ACACB: variants seen among roughly 807,000 people sequenced by gnomAD.
ACACB encodes acetyl-CoA carboxylase 2.
In ACACB, 209 loss-of-function variants were observed where a neutral mutation model predicts 278.8. The observed-to-expected ratio is 0.75, with a 90% CI of 0.67 to 0.84. The LOEUF (loss-of-function observed/expected upper bound fraction) is 0.84, where lower values mean the gene tolerates loss of function less well. ACACB is among the 40% of genes least tolerant of loss of function. ACACB has a pLI of 0.00. For missense variants in ACACB, 2,850 were observed against 3,269.0 expected (o/e 0.87, Z 3.13); for synonymous variants, 1,174 against 1,285.6 (o/e 0.91, Z 1.86).
intron 1 of ACACB, among the ~76,000 whole-genome samples, chr12:109,127,496 G>A (rs748241764): frequency 6.6e-6 from 1 of 151,922 alleles, no homozygotes; most frequent in African/African-American, 2.4e-5. Flanking sequence ...CTACTCTGGA[G>A]GCTGAGGTAG....
chr12:109,258,656 G>A (rs2047295532), intron 46 of ACACB, among the ~76,000 whole-genome samples: 1 of 152,240 alleles, frequency 6.6e-6, no homozygotes, highest in Admixed American at 6.5e-5. Context: ...CCAGGGCACA[G>A]ACTGAGAAGA....
chr12:109,239,827 C>A lies in ACACB; in HGVS notation c.4663-3C>A. 1.9e-6 allele frequency: 3 copies of A among 1,608,880 alleles called. No individual in the cohort carries two copies. The highest frequency in any genetic ancestry group is 2.5e-6 in the Non-Finnish European group (3 of 1,177,406). ...AGCAGCTGCCCCTCCCACTCTTTGG[C>A]AGGAAGCCTCCTTCGAATACCTGCA... On this transcript the variant is annotated splice_region_variant and splice_polypyrimidine_tract_variant and intron_variant, in intron 34 of 52. Transcript: ENST00000338432.
chr12:109,234,128 G>A, intron 31 of ACACB, 83 bp downstream of exon 31: 1 of 1,179,736 alleles, frequency 8.5e-7, no homozygotes, highest in Non-Finnish European at 1.2e-6. Context: ...CCCTTGGGGA[G>A]GCAGGCGTGC....
At chr12:109,130,193 C>T (rs2042787825) in intron 1 of ACACB, among the ~76,000 whole-genome samples, 5 of 152,104 alleles carry the variant, frequency 3.3e-5, no homozygotes, top group Admixed American at 3.3e-4. Context: ...GTGTACAGCC[C>T]AACTGCATCC....
chr12:109,260,392 C>A, intron 47 of ACACB, 88 bp from the exon 48 acceptor site: 1 of 1,532,834 alleles, frequency 6.5e-7, no homozygotes, highest in Non-Finnish European at 9.0e-7. Flanking sequence ...TGGGCTCACT[C>A]TCCCAGGACC....
intron 21 of ACACB, among the ~76,000 whole-genome samples, chr12:109,210,428 TATACAC>T (rs2045783865): frequency 7.9e-6 from 1 of 126,410 alleles, no homozygotes; most frequent in African/African-American, 3.6e-5. Flanking sequence ...TATATATGTA[TATACAC>T]GCACATACAT....
At chr12:109,182,111 G>A (rs553979442) in intron 11 of ACACB, among the ~76,000 whole-genome samples, 1 of 152,110 alleles carries the variant, frequency 6.6e-6, no homozygotes, top group African/African-American at 2.4e-5. Context: ...CCAAAGTGCT[G>A]GGATTACAAG....
At position 109,242,469 on chromosome 12, in the gene ACACB, G is replaced by T. The variant is rs917454812; in HGVS notation, c.5055G>T (p.Gly1685=). Residue 1685 remains glycine (G), a synonymous_variant, in exon 37 of 53, where the codon GGG becomes GGT. Coordinates refer to ENST00000338432, the MANE Select transcript of ACACB (RefSeq NM_001093.4). ...TTCACTCCTTCGGCAACAAGCAAGG[G>T]CCCCAGCACGGGATGCTGATCAATA... ...IMFHSFGNKQ[G]PQHGMLINTP... is the part of the protein sequence containing the mutation. 1 of 1,613,878 alleles carries T rather than the reference G, an allele frequency of 6.2e-7. No individual in the cohort carries two copies. The highest frequency in any genetic ancestry group is 8.5e-7 in the Non-Finnish European group (1 of 1,179,876).
At chr12:109,144,750 C>CTTTTTTTTTTTTTTTTTTTTTTT (rs770963307) in intron 2 of ACACB, among the ~76,000 whole-genome samples, 8 of 86,772 alleles carry the variant, frequency 9.2e-5, no homozygotes, top group South Asian at 4.4e-4. Flanking sequence ...TTCTTTCTTT[C>CTTTTTTTTTTTTTTTTTTTTTTT]TTTCTTTTTT....
At chr12:109,260,192 G>C in intron 47 of ACACB, 2 of 1,429,740 alleles carry the variant, frequency 1.4e-6, no homozygotes, top group Non-Finnish European at 1.9e-6. Flanking sequence ...GGGCAGGGCA[G>C]GGACAGTCAT....
intron 37 of ACACB, 112 bp downstream of exon 37, chr12:109,242,704 C>G: frequency 7.4e-7 from 1 of 1,353,844 alleles, no homozygotes; most frequent in Admixed American, 2.1e-5. Flanking sequence ...AGGACAAGGT[C>G]TTGCCAGGTG....
chr12:109,216,651 AGTG>A lies in ACACB; in HGVS notation c.3388_3390del (p.Val1130del), dbSNP rs768797084. ...GCGGGATCCGCGGCTATATGAAAACAGTGGTGTTGGATCTCCTGAGAAGATACT... is the reference window on the plus strand; with the variant it reads ...GCGGGATCCGCGGCTATATGAAAACAGTGTTGGATCTCCTGAGAAGATACT... On this transcript the variant is annotated inframe_deletion, in exon 23 of 53. Transcript: ENST00000338432. 1 of 1,614,216 alleles carries A rather than the reference AGTG, an allele frequency of 6.2e-7. No individual in the cohort carries two copies. The highest frequency in any genetic ancestry group is 8.5e-7 in the Non-Finnish European group (1 of 1,180,020).
intron 33 of ACACB, 176 bp downstream of exon 33, chr12:109,235,823 C>T (rs569081323): frequency 7.1e-6 from 4 of 565,002 alleles, no homozygotes; most frequent in East Asian, 2.9e-5. Context: ...TATAGTGAGA[C>T]CCTGTCTCTA....
At chr12:109,163,685 T>C (rs1464265378) in intron 2 of ACACB, among the ~76,000 whole-genome samples, 1 of 152,246 alleles carries the variant, frequency 6.6e-6, no homozygotes, top group Non-Finnish European at 1.5e-5. Context: ...AGTCTCACTC[T>C]ATTGCCCAGG....
At position 109,198,634 on chromosome 12, in the gene ACACB, C is replaced by T. The variant is rs564272504; in HGVS notation, c.2628-768C>T. Among the ~76,000 whole-genome samples, 182 of 152,112 alleles carry T rather than the reference C, an allele frequency of 1.2e-3. 2 individuals are homozygous for T. The highest frequency in any genetic ancestry group is 4.3e-3 in the African/African-American group (180 of 41,504). On this transcript the variant is annotated intron_variant, in intron 17 of 52. Transcript: ENST00000338432. ...TCACCTGACCCCAGGGAGGTCAAGG[C>T]TTCAGTGAACCATGATTGTGCCACT...
chr12:109,179,646 C>G (rs1051942684), intron 10 of ACACB, among the ~76,000 whole-genome samples: 1 of 152,138 alleles, frequency 6.6e-6, no homozygotes, highest in Non-Finnish European at 1.5e-5. Context: ...GTCACCATGT[C>G]TGGCTAATTT....
chr12:109,172,211 T>C, intron 5 of ACACB, 64 bp from the exon 6 acceptor site: 2 of 1,508,730 alleles, frequency 1.3e-6, no homozygotes, highest in Admixed American at 3.4e-5. Context: ...CGTGAGTTAC[T>C]GCACCTGGCT....
At position 109,255,095 on chromosome 12, in the gene ACACB, TAC is replaced by T. The variant is rs112899240; in HGVS notation, c.6166+782_6166+783del. ...TGGCCAATTTTACCTCTTCTATACC[TAC>T]ACACACACACACACACACACGCACG... On this transcript the variant is annotated intron_variant, in intron 44 of 52. Coordinates refer to ENST00000338432, the MANE Select transcript of ACACB (RefSeq NM_001093.4). Among the ~76,000 whole-genome samples, 359 of 148,430 alleles carry T rather than the reference TAC, an allele frequency of 2.4e-3. 1 individual carries two copies. The highest frequency in any genetic ancestry group is 6.3e-3 in the African/African-American group (258 of 40,766).
chr12:109,182,355 A>G (rs960132273), intron 11 of ACACB, among the ~76,000 whole-genome samples: 25 of 151,720 alleles, frequency 1.6e-4, no homozygotes, highest in African/African-American at 5.8e-4. Context: ...CTTTTTTCCT[A>G]CTCAGTTGTT....
Sources: allele counts gnomAD v4.1 joint callset (sites outside exome capture counted in the v4.1 genomes callset), GRCh38; gene constraint gnomAD v4.1.1; transcripts MANE v1.5; gene names NCBI Gene and HGNC (gene_info 2026-07-23, HGNC 2026-07-21).